PRUNE2: variants seen among roughly 807,000 people sequenced by gnomAD.
PRUNE2 encodes the protein prune homolog 2 with BCH domain.
In PRUNE2, 164 loss-of-function variants were observed where a neutral mutation model predicts 252.0. The observed-to-expected ratio is 0.65, with a 90% CI of 0.57 to 0.74. The LOEUF is 0.74. Ranked by LOEUF, PRUNE2 falls within the 30% of genes least tolerant of loss-of-function variation. The pLI, the probability that PRUNE2 is intolerant of heterozygous loss-of-function variation, is 0.00. For synonymous variants in PRUNE2, 1,292 were observed against 1,350.2 expected (o/e 0.96, Z 0.94); for missense variants, 3,495 against 3,711.0 (o/e 0.94, Z 1.51).
chr9:76,636,558 C>T lies in PRUNE2; in HGVS notation c.8964-1G>A, dbSNP rs1328654353. The T allele has an allele frequency of 6.5e-7, 1 of 1,530,718 alleles. No individual in the cohort carries two copies. The highest frequency in any genetic ancestry group is 1.4e-5 in the African/African-American group (1 of 72,496). 94.8% of individuals were successfully genotyped at this position (1,530,718 alleles called of 1,614,324 possible). A position where few individuals can be genotyped will look rare whatever the true frequency, so the allele number is the denominator to read the frequency against. ...GAATGATTTCAAATTCTTCCTCAACCTATTTTGAAAAAAGAAAAAAAATAC... is the reference window on the plus strand; with the variant it reads ...GAATGATTTCAAATTCTTCCTCAACTTATTTTGAAAAAAGAAAAAAAATAC... On this transcript the variant is annotated splice_acceptor_variant, in intron 14 of 18. Transcript: ENST00000376718. LOFTEE classifies it high-confidence loss of function.
intron 1 of PRUNE2, chr9:76,869,050 C>T (rs550932118): frequency 6.6e-6 from 1 of 152,158 alleles, no homozygotes; most frequent in East Asian, 1.9e-4. Context: ...GTCTTCTCCC[C>T]CTATGAACAA....
intron 1 of PRUNE2, among the ~76,000 whole-genome samples, chr9:76,897,451 C>T (rs1331583361): frequency 1.7e-5 from 2 of 114,566 alleles, no homozygotes; most frequent in African/African-American, 6.9e-5. Context: ...GCTCTGTCAT[C>T]CAGTCTGGAA....
chr9:76,877,024 C>G (rs1326961438), intron 1 of PRUNE2, among the ~76,000 whole-genome samples: 1 of 152,086 alleles, frequency 6.6e-6, no homozygotes, highest in Non-Finnish European at 1.5e-5. Context: ...AGTCTTTGAT[C>G]TAGATATATG....
chr9:76,800,660 G>A (rs2056487083), intron 6 of PRUNE2, among the ~76,000 whole-genome samples: 1 of 152,114 alleles, frequency 6.6e-6, no homozygotes, highest in African/African-American at 2.4e-5. Context: ...ATTTCCTTCA[G>A]AAAAGGAAGA....
At chr9:76,645,018 G>C in intron 11 of PRUNE2, 109 bp from the exon 12 acceptor site, 1 of 1,006,670 alleles carries the variant, frequency 9.9e-7, no homozygotes, top group Non-Finnish European at 1.4e-6. Context: ...GGCAGCCTTT[G>C]TTTTGTTTCA....
At chr9:76,785,777 C>T (rs967018719) in intron 6 of PRUNE2, 1 of 151,940 alleles carries the variant, frequency 6.6e-6, no homozygotes, top group Admixed American at 6.6e-5. Context: ...CAAAGTGTGC[C>T]TCTCTCTCTT....
At chr9:76,773,280 A>G (rs1362918156) in intron 6 of PRUNE2, among the ~76,000 whole-genome samples, 1 of 152,180 alleles carries the variant, frequency 6.6e-6, no homozygotes, top group African/African-American at 2.4e-5. Context: ...AATCCTTTTC[A>G]TTGAAGAAAT....
rs11292120 is a variant in PRUNE2, at chr9:76,754,964, C to CAAA, written c.757-41246_757-41244dup. 4.8e-3 allele frequency among the ~76,000 whole-genome samples: 325 copies of CAAA among 67,546 alleles called. 5 individuals carry two copies. Among genetic ancestry groups the CAAA allele is most frequent in the African/African-American group, 0.012 (247 of 20,502 alleles). The allele number at this position is 67,546 out of a possible 152,430, so 44.3% of individuals were successfully genotyped here. ...CTGGTGACAGAGTGAGACTCGGTCT[C>CAAA]AAAAAAAAAAAAAAAAAAAAAAAAC... On this transcript the variant is annotated intron_variant, in intron 6 of 18. Transcript: ENST00000376718.
At chr9:76,815,402 C>T (rs1220818616) in intron 6 of PRUNE2, among the ~76,000 whole-genome samples, 3 of 152,132 alleles carry the variant, frequency 2.0e-5, no homozygotes, top group East Asian at 1.9e-4. Context: ...ATCAAGGAGC[C>T]GGTGGAACTG....
chr9:76,827,993 C>T (rs896877894), intron 4 of PRUNE2, among the ~76,000 whole-genome samples: 1 of 152,206 alleles, frequency 6.6e-6, no homozygotes, highest in Non-Finnish European at 1.5e-5. Flanking sequence ...GGGCTCTATG[C>T]TAACGATTCA....
chr9:76,665,718 C>T (rs1411967495), intron 9 of PRUNE2, among the ~76,000 whole-genome samples: 2 of 152,108 alleles, frequency 1.3e-5, no homozygotes, highest in East Asian at 3.9e-4. Context: ...TGTCTCACCA[C>T]ATAGTGAAAC....
chr9:76,849,729 G>A (rs1442979010), intron 3 of PRUNE2, among the ~76,000 whole-genome samples: 1 of 152,066 alleles, frequency 6.6e-6, no homozygotes, highest in Non-Finnish European at 1.5e-5. Flanking sequence ...AGGAGGCTGA[G>A]GCAAGAGAAT....
chr9:76,707,523 G>A lies in PRUNE2; in HGVS notation c.4751C>T (p.Ser1584Phe). ...TTGGCCATCAGTGGTAATTAGTTCA[G>A]ATTCTTGGTGATTCTGTTCACTCCA... is the stretch of plus-strand genomic sequence containing the variant. ...GNWSEQNHQE[S>F]ELITTDGQVE... The change falls in exon 8 of 19, where the codon TCT becomes TTT. Residue 1584 changes from serine to phenylalanine, a missense_variant. By Grantham distance (155) the Ser-to-Phe change is radical. Transcript: ENST00000376718. The A allele has an allele frequency of 1.2e-6, 2 of 1,613,914 alleles. No individual in the cohort carries two copies. The highest frequency in any genetic ancestry group is 8.5e-7 in the Non-Finnish European group (1 of 1,179,858).
intron 16 of PRUNE2, 26 bp from the exon 17 acceptor site, chr9:76,624,516 G>A: frequency 7.2e-7 from 1 of 1,385,594 alleles, no homozygotes; most frequent in Non-Finnish European, 9.4e-7. Flanking sequence ...TTATTGGTGT[G>A]GAAAAGAAAC....
rs76770922 is a variant in PRUNE2, at chr9:76,822,482, T to C, written c.756+1150A>G. Among the ~76,000 whole-genome samples the C allele has an allele frequency of 1.1e-4, 16 of 152,276 alleles. No homozygotes were observed. In the East Asian group the frequency reaches 2.7e-3, roughly 26 times the overall value. ...GAGTGCCTGCTATTCCAGAGAAATA[T>C]ACACATTGATATAGTCAACATCACC... is the stretch of plus-strand genomic sequence containing the variant. On this transcript the variant is annotated intron_variant, in intron 6 of 18. Coordinates refer to ENST00000376718, the MANE Select transcript of PRUNE2 (RefSeq NM_015225.3).
intron 4 of PRUNE2, 114 bp downstream of exon 4, chr9:76,846,401 G>T: frequency 1.2e-6 from 1 of 809,374 alleles, no homozygotes; most frequent in Non-Finnish European, 1.9e-6. Context: ...GAAGCTTCCC[G>T]TGGTCTTTAA....
At chr9:76,851,494 G>A (rs2059956677) in intron 2 of PRUNE2, among the ~76,000 whole-genome samples, 1 of 151,676 alleles carries the variant, frequency 6.6e-6, no homozygotes, top group Non-Finnish European at 1.5e-5. Context: ...CTTGCAGTGA[G>A]CCAAGATCGT....
chr9:76,671,842 A>T (rs1008202919), intron 9 of PRUNE2, among the ~76,000 whole-genome samples: 20 of 151,776 alleles, frequency 1.3e-4, no homozygotes, highest in African/African-American at 4.6e-4. Flanking sequence ...CTTTACAGAC[A>T]AGCAAATGCT....
At chr9:76,774,468 T>TATTTATTTATTTATTTATTTA (rs1564272983) in intron 6 of PRUNE2, among the ~76,000 whole-genome samples, 7 of 144,530 alleles carry the variant, frequency 4.8e-5, no homozygotes, top group African/African-American at 1.5e-4. Flanking sequence ...TTTTTTTTTT[T>TATTTATTTATTTATTTATTTA]TTTTTTTTTG....
Sources: allele counts gnomAD v4.1 joint callset (sites outside exome capture counted in the v4.1 genomes callset), GRCh38; gene constraint gnomAD v4.1.1; transcripts MANE v1.5; gene names NCBI Gene and HGNC (gene_info 2026-07-23, HGNC 2026-07-21).